ATP10D: variants seen among roughly 807,000 people sequenced by gnomAD.
The protein encoded by ATP10D is ATPase phospholipid transporting 10D (putative), also known as phospholipid-transporting ATPase VD.
Under a neutral mutation model 144.8 loss-of-function variants are expected in ATP10D, and 89 were observed. The observed-to-expected ratio is 0.61, with a 90% CI of 0.52 to 0.73. ATP10D has a LOEUF of 0.73. ATP10D is among the 30% of genes least tolerant of loss of function. The pLI is 0.00. For synonymous variants in ATP10D, 571 were observed against 615.1 expected, an observed-to-expected ratio of 0.93 and a Z score of 1.06; for missense variants, 1,603 against 1,714.8, an observed-to-expected ratio of 0.93 and a Z score of 1.15.
chr4:47,491,637 A>C (rs1228630102), intron 1 of ATP10D, among the ~76,000 whole-genome samples: 1 of 152,166 alleles, frequency 6.6e-6, no homozygotes, highest in Non-Finnish European at 1.5e-5. Flanking sequence ...TTAATTTCGC[A>C]TCACTTCTTA....
chr4:47,538,692 GCAGAATT>G lies in ATP10D; in HGVS notation c.1396+1758_1396+1764del, dbSNP rs1560432429. On this transcript the variant is annotated intron_variant, in intron 9 of 22. Coordinates refer to ENST00000273859, the MANE Select transcript of ATP10D (RefSeq NM_020453.4). ...CCTATGCTTAGCTCACTGGTATTTC[GCAGAATT>G]CAGTGTACTGAAGTTTTAGGACTGA... Among the ~76,000 whole-genome samples the G allele has an allele frequency of 2.0e-5, 3 of 152,062 alleles. No individual in the cohort carries two copies. The East Asian group carries it at 5.8e-4, about 29-fold the overall frequency.
rs565134174 is a variant in ATP10D, at chr4:47,554,953, A to G, written c.1824+39A>G. The G allele has an allele frequency of 9.5e-6, 15 of 1,574,086 alleles. No individual in the cohort carries two copies. In the South Asian group the frequency reaches 1.5e-4, roughly 15 times the overall value. ...CTAATGCAAACAAGGGTCACTTTCC[A>G]GAAGAGAATTTTGGGTTTAAATGTA... On this transcript the variant is annotated intron_variant, in intron 11 of 22. Transcript: ENST00000273859.
Position 47,563,722 on chromosome 4 carries a change from T to G in ATP10D, c.2810T>G (p.Leu937Arg). Residue 937 changes from leucine (L) to arginine (R), a missense_variant, in exon 15 of 23, where the codon CTG becomes CGG. Physicochemically the swap from Leu to Arg is moderately radical, Grantham distance 102 (BLOSUM62 -2). Coordinates refer to ENST00000273859, the MANE Select transcript of ATP10D (RefSeq NM_020453.4). The part of the protein sequence containing the change: ...AVNIAYACKL[L>R]EPDDKLFILN... ...AACATAGCTTATGCATGCAAACTAC[T>G]GGAGCCAGATGACAAGCTTTTTATC... 7 of 1,611,988 alleles carry G rather than the reference T, an allele frequency of 4.3e-6. No homozygotes were observed. Among genetic ancestry groups the G allele is most frequent in the Non-Finnish European group, 5.9e-6 (7 of 1,179,358 alleles).
At chr4:47,584,051 T>G (rs1166893755) in intron 21 of ATP10D, among the ~76,000 whole-genome samples, 2 of 152,104 alleles carry the variant, frequency 1.3e-5, no homozygotes, top group Non-Finnish European at 2.9e-5. Flanking sequence ...AATGCTGGAG[T>G]GCAGCATTGT....
chr4:47,587,561 C>G (rs1342465757), intron 22 of ATP10D, among the ~76,000 whole-genome samples: 1 of 147,516 alleles, frequency 6.8e-6, no homozygotes, highest in Non-Finnish European at 1.5e-5. Flanking sequence ...CGTGCTGCCA[C>G]AGTGGAATTT....
chr4:47,535,140 A>C (rs1717771780), intron 5 of ATP10D, among the ~76,000 whole-genome samples: 1 of 152,064 alleles, frequency 6.6e-6, no homozygotes, highest in Non-Finnish European at 1.5e-5. Context: ...AAAGATAAGA[A>C]TAATAGACAC....
chr4:47,515,890 A>C (rs1716652434), intron 3 of ATP10D, among the ~76,000 whole-genome samples: 1 of 152,194 alleles, frequency 6.6e-6, no homozygotes, highest in Non-Finnish European at 1.5e-5. Context: ...CCAGGAGCCG[A>C]CAAAGCAAAA....
chr4:47,493,497 T>C (rs1715195729), intron 1 of ATP10D, among the ~76,000 whole-genome samples: 1 of 152,238 alleles, frequency 6.6e-6, no homozygotes, highest in Non-Finnish European at 1.5e-5. Context: ...TGTATGCTAA[T>C]ATAAGTGTTC....
At chr4:47,503,915 A>AAAAAT (rs148176369) in intron 1 of ATP10D, among the ~76,000 whole-genome samples, 12,156 of 151,658 alleles carry the variant, frequency 0.08, 669 homozygotes, top group South Asian at 0.2. Flanking sequence ...ATAATAAATA[A>AAAAAT]AAAATAAAAT....
chr4:47,509,230 T>C (rs968288416), intron 1 of ATP10D, among the ~76,000 whole-genome samples: 22 of 63,882 alleles, frequency 3.4e-4, no homozygotes, highest in African/African-American at 1.3e-3. Context: ...ACATTGAAAA[T>C]ATTATTTCTT....
At chr4:47,554,634 A>G in intron 10 of ATP10D, 92 bp from the exon 11 acceptor site, 1 of 1,007,370 alleles carries the variant, frequency 9.9e-7, no homozygotes, top group Non-Finnish European at 1.4e-6. Context: ...TGATTCATTT[A>G]GATCCTGGCT....
chr4:47,523,875 C>T (rs2109411406), intron 4 of ATP10D, among the ~76,000 whole-genome samples: 1 of 152,270 alleles, frequency 6.6e-6, no homozygotes, highest in East Asian at 1.9e-4. Context: ...TAGTTTCCCT[C>T]CCCTTTCTCT....
chr4:47,570,090 G>C (rs1428607575), intron 16 of ATP10D, among the ~76,000 whole-genome samples: 1 of 152,158 alleles, frequency 6.6e-6, no homozygotes, highest in Non-Finnish European at 1.5e-5. Context: ...GATCATGTTG[G>C]CTGTTCTGTC....
chr4:47,566,012 T>G (rs1719623215), intron 15 of ATP10D, among the ~76,000 whole-genome samples: 1 of 152,214 alleles, frequency 6.6e-6, no homozygotes, highest in Non-Finnish European at 1.5e-5. Flanking sequence ...CACTAGTATT[T>G]AACTCTTTTC....
intron 10 of ATP10D, among the ~76,000 whole-genome samples, chr4:47,551,204 A>G (rs1356858882): frequency 1.3e-5 from 2 of 152,168 alleles, no homozygotes; most frequent in African/African-American, 2.4e-5. Context: ...AGGCTTAGGG[A>G]TTCTTAGTCG....
chr4:47,511,407 G>A (rs1716319062), intron 1 of ATP10D, among the ~76,000 whole-genome samples: 1 of 152,076 alleles, frequency 6.6e-6, no homozygotes, highest in African/African-American at 2.4e-5. Flanking sequence ...CATATACTCA[G>A]AGGCTGTTGT....
At chr4:47,569,176 T>C (rs113141123) in intron 16 of ATP10D, 30 bp downstream of exon 16, 2 of 1,596,652 alleles carry the variant, frequency 1.3e-6, no homozygotes, top group South Asian at 2.2e-5. Flanking sequence ...AGTCCTGCTC[T>C]TCTCCCTTTC....
At chr4:47,561,666 C>T (rs1719310203) in intron 14 of ATP10D, among the ~76,000 whole-genome samples, 1 of 152,162 alleles carries the variant, frequency 6.6e-6, no homozygotes, top group South Asian at 2.1e-4. Context: ...GCACAACTGA[C>T]CCCTCTTGTC....
intron 1 of ATP10D, among the ~76,000 whole-genome samples, chr4:47,490,545 A>C (rs139522307): frequency 7.2e-5 from 11 of 152,276 alleles, no homozygotes. Flanking sequence ...CCAAATGCCT[A>C]ATTTGTCACA....
Sources: allele counts gnomAD v4.1 joint callset (sites outside exome capture counted in the v4.1 genomes callset), GRCh38; gene constraint gnomAD v4.1.1; transcripts MANE v1.5; gene names NCBI Gene and HGNC (gene_info 2026-07-23, HGNC 2026-07-21).